Variants in IFT74 observed in about 807,000 individuals in gnomAD.
IFT74 encodes the protein intraflagellar transport protein 74 homolog.
A neutral mutation model predicts 96.7 loss-of-function variants in IFT74; 92 were observed. That is an observed-to-expected ratio of 0.95 (90% CI 0.80 to 1.13). The LOEUF is 1.13. IFT74 is among the 50% of genes most tolerant of loss of function. The pLI is 0.00. For synonymous variants in IFT74, 223 were observed against 213.2 expected (o/e 1.05, Z -0.40); for missense variants, 811 against 698.2 (o/e 1.16, Z -1.82).
At chr9:27,028,798 A>G (rs1269742203) in intron 12 of IFT74, 2 of 305,636 alleles carry the variant, frequency 6.5e-6, no homozygotes, top group Non-Finnish European at 1.2e-5. Context: ...TTCCTCTCTA[A>G]ATTTATAGTA....
intron 13 of IFT74, among the ~76,000 whole-genome samples, chr9:27,038,113 T>A (rs971943784): frequency 2.0e-5 from 3 of 152,204 alleles, no homozygotes; most frequent in African/African-American, 7.2e-5. Flanking sequence ...GCTTTACAAT[T>A]GCAAATGTAG....
In IFT74 at chr9:26,978,095, T is replaced by A. The variant is rs765986847; in HGVS notation, c.121-33T>A. 7.8e-6 allele frequency: 12 copies of A among 1,544,978 alleles called. No homozygotes were observed. In the South Asian group the frequency reaches 1.2e-4, roughly 16 times the overall value. ...AAAAGATGTACAGTGTTTTTTCTGG[T>A]TTACTAAAAATGAAATCTTGTTTGT... On this transcript the variant is annotated intron_variant, in intron 2 of 19. Transcript: ENST00000380062.
intron 8 of IFT74, among the ~76,000 whole-genome samples, chr9:27,004,301 A>G (rs1413095196): frequency 6.6e-6 from 1 of 152,192 alleles, no homozygotes; most frequent in Non-Finnish European, 1.5e-5. Context: ...TTTCCTTTCC[A>G]TTGGATAGAT....
At chr9:26,964,416 C>G (rs981978101) in intron 2 of IFT74, among the ~76,000 whole-genome samples, 16 of 151,048 alleles carry the variant, frequency 1.1e-4, no homozygotes, top group Admixed American at 8.6e-4. Flanking sequence ...CAGCTTTGTT[C>G]TTTTGGCTTA....
chr9:26,950,065 C>T (rs1378830857), intron 1 of IFT74, among the ~76,000 whole-genome samples: 1 of 152,214 alleles, frequency 6.6e-6, no homozygotes, highest in Non-Finnish European at 1.5e-5. Context: ...GTAATCCCAG[C>T]ACTTTGGGAG....
chr9:26,989,000 CCATTTCCTTATATATATTAGTTT>C (rs1827755344), intron 7 of IFT74, among the ~76,000 whole-genome samples: 1 of 152,060 alleles, frequency 6.6e-6, no homozygotes, highest in African/African-American at 2.4e-5. Flanking sequence ...AGTGCCATCT[CCATTTCCTTATATATATTAGTTT>C]ACAGTATTTC....
intron 8 of IFT74, among the ~76,000 whole-genome samples, chr9:26,997,280 A>G (rs1828208384): frequency 6.7e-6 from 1 of 148,344 alleles, no homozygotes; most frequent in South Asian, 2.1e-4. Context: ...TGCAGCTGTT[A>G]CTTTTTAGTG....
intron 9 of IFT74, among the ~76,000 whole-genome samples, chr9:27,011,467 T>TACACAC (rs957161617): frequency 1.3e-5 from 2 of 152,172 alleles, no homozygotes; most frequent in African/African-American, 2.4e-5. Flanking sequence ...TATGTGTGTG[T>TACACAC]ACACAGTATA....
intron 16 of IFT74, among the ~76,000 whole-genome samples, 174 bp downstream of exon 16, chr9:27,048,448 GATTTA>G (rs1819789051): frequency 6.6e-6 from 1 of 152,106 alleles, no homozygotes; most frequent in Non-Finnish European, 1.5e-5. Context: ...TATTGTCACT[GATTTA>G]ACAACATTTA....
chr9:27,008,397 G>T lies in IFT74; in HGVS notation c.588-623G>T, dbSNP rs143079998. On this transcript the variant is annotated intron_variant, in intron 8 of 19. Coordinates refer to ENST00000380062, the MANE Select transcript of IFT74 (RefSeq NM_025103.4). ...TTTTGAGATGGAGTTTTGCTCTTTT[G>T]CCCAGGCTAGAGTGAAGTGGCGCGA... Among the ~76,000 whole-genome samples the T allele has an allele frequency of 4.0e-3, 591 of 148,378 alleles. 5 individuals are homozygous for T. The highest frequency in any genetic ancestry group is 0.014 in the African/African-American group (565 of 40,238).
chr9:26,959,401 G>A (rs141931356), intron 1 of IFT74, among the ~76,000 whole-genome samples: 1 of 152,274 alleles, frequency 6.6e-6, no homozygotes, highest in East Asian at 1.9e-4. Context: ...GAGCCACCGC[G>A]CCCGGCTGGA....
chr9:26,949,688 A>G (rs12237867), intron 1 of IFT74, among the ~76,000 whole-genome samples: 15,498 of 152,190 alleles, frequency 0.1, 1,823 homozygotes, highest in East Asian at 0.65. Flanking sequence ...GATATTTCTC[A>G]AATCCACCTC....
At chr9:27,028,950 TCTAAC>T (rs1420152010) in intron 12 of IFT74, 70 bp from the exon 13 acceptor site, 1 of 1,341,346 alleles carries the variant, frequency 7.5e-7, no homozygotes, top group Admixed American at 2.4e-5. Context: ...GGAAAAGATA[TCTAAC>T]CTCCCCATCA....
At chr9:26,996,502 A>G (rs1400878090) in intron 8 of IFT74, 4 of 1,423,428 alleles carry the variant, frequency 2.8e-6, no homozygotes, top group Non-Finnish European at 3.7e-6. Context: ...CTCATTTTCT[A>G]GTAAATCAGA....
At chr9:27,062,161 G>C (rs1820455953) in intron 19 of IFT74, among the ~76,000 whole-genome samples, 1 of 152,150 alleles carries the variant, frequency 6.6e-6, no homozygotes, top group Admixed American at 6.5e-5. Context: ...TTTAAAAATA[G>C]AGGACTTGTT....
At chr9:26,964,982 G>T (rs1826544210) in intron 2 of IFT74, among the ~76,000 whole-genome samples, 1 of 152,096 alleles carries the variant, frequency 6.6e-6, no homozygotes, top group Admixed American at 6.6e-5. Flanking sequence ...ATCCTGTAAA[G>T]ATAATTATTA....
In IFT74 at chr9:27,063,139, AAATT is replaced by A. The variant is rs1252708823; in HGVS notation, c.*405_*408del. ...CCTTGTCAATTTTTACTTCTAGAAA[AAATT>A]AGTAAGATTAGAAGGGAGATTTTTA... On this transcript the variant is annotated 3_prime_UTR_variant, in exon 20 of 20. Transcript: ENST00000380062. Among the ~76,000 whole-genome samples, 1 of 152,122 alleles carries A rather than the reference AAATT, an allele frequency of 6.6e-6. No individual in the cohort carries two copies. The highest frequency in any genetic ancestry group is 1.5e-5 in the Non-Finnish European group (1 of 67,992).
At position 27,019,318 on chromosome 9, in the gene IFT74, C is replaced by T. The variant is rs112532457; in HGVS notation, c.974+631C>T. ...AAACCCTGCACCCTTTAACCATCAC[C>T]TCCCTTATCCCTCTCCCAGCTCTAG... is the stretch of plus-strand genomic sequence containing the variant. On this transcript the variant is annotated intron_variant, in intron 12 of 19. Transcript: ENST00000380062. Among the ~76,000 whole-genome samples the T allele has an allele frequency of 8.5e-5, 13 of 152,166 alleles. 2 individuals carry two copies. Among genetic ancestry groups the T allele is most frequent in the African/African-American group, 3.1e-4 (13 of 41,518 alleles).
chr9:26,998,396 T>C (rs535413918), intron 8 of IFT74, among the ~76,000 whole-genome samples: 1 of 152,178 alleles, frequency 6.6e-6, no homozygotes, highest in Non-Finnish European at 1.5e-5. Flanking sequence ...GCAAATCTTT[T>C]TCTTTATTGG....
Sources: allele counts gnomAD v4.1 joint callset (sites outside exome capture counted in the v4.1 genomes callset), GRCh38; gene constraint gnomAD v4.1.1; transcripts MANE v1.5; gene names NCBI Gene and HGNC (gene_info 2026-07-23, HGNC 2026-07-21).